RUNX1: variants seen among roughly 807,000 people sequenced by gnomAD.
RUNX1 encodes RUNX family transcription factor 1, also known as runt-related transcription factor 1.
RUNX1 carries 19 observed loss-of-function variants against 42.8 expected under a neutral mutation model. That is an observed-to-expected ratio of 0.44 (90% confidence interval 0.31 to 0.65). The LOEUF (loss-of-function observed/expected upper bound fraction) is 0.65. RUNX1 is among the 30% of genes least tolerant of loss of function. RUNX1 has a pLI of 0.07. For synonymous variants in RUNX1, 271 were observed against 289.4 expected, an observed-to-expected ratio of 0.94 and a Z score of 0.64; for missense variants, 528 against 672.0, an observed-to-expected ratio of 0.79 and a Z score of 2.37.
At chr21:34,857,490 G>A (rs947596616) in intron 6 of RUNX1, among the ~76,000 whole-genome samples, 6 of 152,200 alleles carry the variant, frequency 3.9e-5, no homozygotes, top group Non-Finnish European at 8.8e-5. Context: ...TTATGCATGA[G>A]GAAATAAGAG....
At chr21:34,830,653 C>A (rs752254804) in intron 7 of RUNX1, among the ~76,000 whole-genome samples, 1 of 152,254 alleles carries the variant, frequency 6.6e-6, no homozygotes, top group Non-Finnish European at 1.5e-5. Context: ...TCTGGGTTTG[C>A]GTCCAAGTTC....
At chr21:34,905,233 T>C (rs1276124015) in intron 2 of RUNX1, among the ~76,000 whole-genome samples, 1 of 152,214 alleles carries the variant, frequency 6.6e-6, no homozygotes, top group African/African-American at 2.4e-5. Context: ...AAGTGCAAGA[T>C]GTAGATATTT....
intron 6 of RUNX1, among the ~76,000 whole-genome samples, chr21:34,836,592 C>T (rs562654908): frequency 2.0e-5 from 3 of 152,302 alleles, no homozygotes; most frequent in African/African-American, 7.2e-5. Flanking sequence ...CTACCACAGT[C>T]TAATGCCTGG....
At chr21:34,918,203 G>C (rs2058326949) in intron 2 of RUNX1, among the ~76,000 whole-genome samples, 1 of 149,296 alleles carries the variant, frequency 6.7e-6, no homozygotes, top group Admixed American at 6.7e-5. Context: ...AAGTTGATCT[G>C]ATAAATCGCT....
rs570723640 is a variant in RUNX1 at position 34,852,416 on chromosome 21, T to C, written c.613+7058A>G. Among the ~76,000 whole-genome samples the C allele has an allele frequency of 6.6e-5, 10 of 152,296 alleles. 1 individual carries two copies. Among genetic ancestry groups the C allele is most frequent in the African/African-American group, 2.2e-4 (9 of 41,562 alleles). ...CACTCTAGGGTCAAGGAAGTCTGTA[T>C]GCATGTAAAATTCTTCTTCTTGGAC... On this transcript the variant is annotated intron_variant, in intron 6 of 8. Coordinates refer to ENST00000675419, the MANE Select transcript of RUNX1 (RefSeq NM_001754.5).
rs146045032 is a variant in RUNX1 at position 34,863,974 on chromosome 21, A to C, written c.509-4396T>G. Among the ~76,000 whole-genome samples the C allele has an allele frequency of 6.6e-5, 10 of 152,330 alleles. 1 individual carries two copies. In the East Asian group the frequency reaches 1.9e-3, roughly 29 times the overall value. The stretch of plus-strand genomic sequence containing the variant: ...TGCTTATTATCTTACAGACACAGTG[A>C]TGACTTCTTCACAGGTGTAGGTGAC... On this transcript the variant is annotated intron_variant, in intron 5 of 8. Coordinates refer to ENST00000675419, the MANE Select transcript of RUNX1 (RefSeq NM_001754.5).
intron 2 of RUNX1, among the ~76,000 whole-genome samples, chr21:35,030,985 A>C (rs556977971): frequency 6.6e-6 from 1 of 152,102 alleles, no homozygotes; most frequent in African/African-American, 2.4e-5. Context: ...ACTCAACATC[A>C]CTCCTCATCA....
chr21:34,808,549 C>T (rs1421476375), intron 7 of RUNX1, among the ~76,000 whole-genome samples: 1 of 152,130 alleles, frequency 6.6e-6, no homozygotes, highest in African/African-American at 2.4e-5. Context: ...ACCCTGGAGT[C>T]CTTTTCTTTT....
chr21:34,794,362 ACTC>A (rs2056495162), intron 8 of RUNX1, among the ~76,000 whole-genome samples: 1 of 151,986 alleles, frequency 6.6e-6, no homozygotes, highest in South Asian at 2.1e-4. Context: ...TACCATTACC[ACTC>A]CTCCTCTCCA....
At chr21:34,893,211 T>C (rs990395281) in intron 2 of RUNX1, among the ~76,000 whole-genome samples, 1 of 152,196 alleles carries the variant, frequency 6.6e-6, no homozygotes, top group Admixed American at 6.5e-5. Context: ...ATATCTGTCA[T>C]AGAATCACCT....
intron 2 of RUNX1, among the ~76,000 whole-genome samples, chr21:34,940,701 G>C (rs923581348): frequency 1.3e-5 from 2 of 152,198 alleles, no homozygotes; most frequent in Admixed American, 6.5e-5. Context: ...CCCCTAACCA[G>C]TTCCACTTAG....
chr21:35,027,231 A>C (rs2059244031), intron 2 of RUNX1, among the ~76,000 whole-genome samples: 1 of 152,224 alleles, frequency 6.6e-6, no homozygotes, highest in Admixed American at 6.5e-5. Flanking sequence ...AGAGGCAGAG[A>C]GGCCAACATT....
intron 7 of RUNX1, among the ~76,000 whole-genome samples, chr21:34,823,443 T>TTTTTTTG (rs2056940085): frequency 5.5e-5 from 1 of 18,342 alleles, no homozygotes; most frequent in African/African-American, 6.7e-5. Flanking sequence ...TTTTTTTTTT[T>TTTTTTTG]TTTTTTTTTT....
chr21:34,931,704 A>C (rs1454285732), intron 2 of RUNX1, among the ~76,000 whole-genome samples: 1 of 151,224 alleles, frequency 6.6e-6, no homozygotes, highest in Non-Finnish European at 1.5e-5. Context: ...ACCACAACTG[A>C]GCACAGCAAG....
chr21:34,901,507 G>A lies in RUNX1; in HGVS notation c.59-8544C>T, dbSNP rs536436728. ...CAACCTGGGGGACAGAGCCAGATCC[G>A]TCTCAAAAATAAATAATAATAATAA... On this transcript the variant is annotated intron_variant, in intron 2 of 8. Coordinates refer to ENST00000675419, the MANE Select transcript of RUNX1 (RefSeq NM_001754.5). The surrounding 1 kb of genome is among the most constrained non-coding windows in gnomAD (Gnocchi z 4.3). Among the ~76,000 whole-genome samples the A allele has an allele frequency of 2.6e-5, 4 of 151,816 alleles. No individual in the cohort carries two copies. In the East Asian group the frequency reaches 5.8e-4, roughly 22 times the overall value.
chr21:34,857,701 T>C (rs1406704757), intron 6 of RUNX1, among the ~76,000 whole-genome samples: 1 of 152,152 alleles, frequency 6.6e-6, no homozygotes, highest in Non-Finnish European at 1.5e-5. Context: ...GCCAGGCCCC[T>C]TGCCATAATT....
intron 2 of RUNX1, among the ~76,000 whole-genome samples, chr21:34,911,644 A>G (rs1012099440): frequency 6.6e-6 from 1 of 151,976 alleles, no homozygotes; most frequent in Non-Finnish European, 1.5e-5. Context: ...TACACATTAG[A>G]TTGTGTCTCT....
chr21:34,884,781 T>C (rs975621278), intron 4 of RUNX1, among the ~76,000 whole-genome samples: 2 of 152,244 alleles, frequency 1.3e-5, no homozygotes, highest in Non-Finnish European at 2.9e-5. Flanking sequence ...TGGTCTGATT[T>C]CTCTGCTATC....
chr21:34,865,146 G>A (rs2057638487), intron 5 of RUNX1, among the ~76,000 whole-genome samples: 1 of 152,086 alleles, frequency 6.6e-6, no homozygotes, highest in South Asian at 2.1e-4. Context: ...AAAGGTCTCA[G>A]TAAATGTCAG....
Sources: gnomAD v4.1 joint callset for allele counts (sites outside exome capture counted in the v4.1 genomes callset) on GRCh38, gnomAD v4.1.1 for gene constraint, Gnocchi (gnomAD v3.1) non-coding constraint, MANE v1.5 for transcripts, NCBI Gene and HGNC (gene_info 2026-07-23, HGNC 2026-07-21) for gene names.